The following ARHGAP24 variants were observed in gnomAD, a reference collection of about 807,000 sequenced individuals.
ARHGAP24 encodes rho GTPase-activating protein 24.
A neutral mutation model predicts 76.4 loss-of-function variants in ARHGAP24; 50 were observed. The observed-to-expected ratio is 0.65, with a 90% CI of 0.52 to 0.83. The LOEUF (loss-of-function observed/expected upper bound fraction) is 0.83, where lower values mean the gene tolerates loss of function less well. ARHGAP24 is among the 40% of genes least tolerant of loss of function. The pLI, the probability that ARHGAP24 is intolerant of heterozygous loss-of-function variation, is 0.00. For missense variants in ARHGAP24, 930 were observed against 914.2 expected (o/e 1.02, Z -0.22); for synonymous variants, 345 against 323.3 (o/e 1.07, Z -0.72).
intron 2 of ARHGAP24, among the ~76,000 whole-genome samples, chr4:85,595,825 G>A (rs1351550): frequency 1 from 152,183 of 152,184 alleles, 76,091 homozygotes; most frequent in Non-Finnish European, 1. Flanking sequence ...TGCTAGGTAT[G>A]GTTATCACCA....
chr4:85,509,869 T>G (rs1244545100), intron 1 of ARHGAP24, among the ~76,000 whole-genome samples: 1 of 152,172 alleles, frequency 6.6e-6, no homozygotes, highest in Non-Finnish European at 1.5e-5. Flanking sequence ...AAAATGCCCC[T>G]TTTGTATTAT....
intron 2 of ARHGAP24, among the ~76,000 whole-genome samples, chr4:85,599,121 C>A (rs1251288540): frequency 6.6e-6 from 1 of 152,114 alleles, no homozygotes; most frequent in East Asian, 1.9e-4. Flanking sequence ...TTGAACAACA[C>A]AAGTCTAAAT....
chr4:85,627,624 G>A (rs552504498), intron 2 of ARHGAP24, among the ~76,000 whole-genome samples: 2 of 152,196 alleles, frequency 1.3e-5, no homozygotes, highest in African/African-American at 2.4e-5. Flanking sequence ...ATTTAAGTCT[G>A]CAGAGGTTAC....
rs144171066 is a variant in ARHGAP24, at chr4:85,700,620, T to G, written c.181-21265T>G. Among the ~76,000 whole-genome samples, 58 of 152,178 alleles carry G rather than the reference T, an allele frequency of 3.8e-4. 1 individual carries two copies. In the East Asian group the frequency reaches 9.9e-3, roughly 26 times the overall value. On this transcript the variant is annotated intron_variant, in intron 2 of 9. Transcript: ENST00000395184. The stretch of plus-strand genomic sequence containing the variant: ...GTTGGGGAGGTGGTGGTTAAAGAGC[T>G]TAGTTCTGTTTGTGGTCACTTAATG...
chr4:85,833,883 A>G (rs531725144), intron 3 of ARHGAP24, among the ~76,000 whole-genome samples: 1 of 152,350 alleles, frequency 6.6e-6, no homozygotes, highest in South Asian at 2.1e-4. Context: ...GAAATATTTT[A>G]CATTAGTTAA....
intron 1 of ARHGAP24, among the ~76,000 whole-genome samples, chr4:85,480,269 G>T (rs1222398866): frequency 2.0e-5 from 3 of 151,942 alleles, no homozygotes; most frequent in Non-Finnish European, 4.4e-5. Context: ...ATTCCTTTTT[G>T]CCTAGACTGC....
intron 3 of ARHGAP24, among the ~76,000 whole-genome samples, chr4:85,922,423 A>G (rs1186836954): frequency 1.3e-5 from 2 of 152,236 alleles, no homozygotes; most frequent in Non-Finnish European, 2.9e-5. Flanking sequence ...TCCTTATAAA[A>G]GTATTTAGAT....
chr4:85,980,243 G>A (rs921129101), intron 8 of ARHGAP24, among the ~76,000 whole-genome samples: 1 of 152,132 alleles, frequency 6.6e-6, no homozygotes, highest in African/African-American at 2.4e-5. Context: ...CACTACATGT[G>A]TACATATTAC....
At chr4:85,657,790 T>C (rs1722228709) in intron 2 of ARHGAP24, among the ~76,000 whole-genome samples, 1 of 152,380 alleles carries the variant, frequency 6.6e-6, no homozygotes, top group African/African-American at 2.4e-5. Context: ...GGTCTCATTC[T>C]GTCAGCCAGG....
At chr4:86,000,007 C>T (rs1740911692) in intron 9 of ARHGAP24, 1 of 167,212 alleles carries the variant, frequency 6.0e-6, no homozygotes, top group Non-Finnish European at 1.3e-5. Flanking sequence ...CCATTCTTAG[C>T]AGTGAACTTA....
At chr4:85,853,762 T>C (rs772657181) in intron 3 of ARHGAP24, among the ~76,000 whole-genome samples, 3 of 152,122 alleles carry the variant, frequency 2.0e-5, no homozygotes, top group Non-Finnish European at 4.4e-5. Flanking sequence ...AAGACCATCC[T>C]GGCCAACATG....
At position 85,875,565 on chromosome 4, in the gene ARHGAP24, A is replaced by ATTT. The variant is rs1732866880; in HGVS notation, c.269-48081_269-48080insTTT. 4.5e-5 allele frequency among the ~76,000 whole-genome samples: 3 copies of ATTT among 66,982 alleles called. No individual in the cohort carries two copies. In the South Asian group the frequency reaches 1.9e-3, roughly 43 times the overall value. 43.9% of individuals were successfully genotyped at this position (66,982 alleles called of 152,430 possible). A position where few individuals can be genotyped will look rare whatever the true frequency, so the allele number is the denominator to read the frequency against. On this transcript the variant is annotated intron_variant, in intron 3 of 9. Coordinates refer to ENST00000395184, the MANE Select transcript of ARHGAP24 (RefSeq NM_001025616.3). The stretch of plus-strand genomic sequence containing the variant: ...TTTATATTTTATATTATATTTTTAT[A>ATTT]TTATATAATATATAATATATATTTT...
At chr4:85,496,651 A>G (rs1004601044) in intron 1 of ARHGAP24, among the ~76,000 whole-genome samples, 1 of 152,206 alleles carries the variant, frequency 6.6e-6, no homozygotes, top group Non-Finnish European at 1.5e-5. Flanking sequence ...GTGAAGATTA[A>G]CATGTAGCAA....
intron 3 of ARHGAP24, among the ~76,000 whole-genome samples, chr4:85,918,834 G>A (rs1735561286): frequency 6.6e-6 from 1 of 152,114 alleles, no homozygotes; most frequent in Admixed American, 6.6e-5. Flanking sequence ...ATCATAAATG[G>A]TTGATGTGTC....
intron 3 of ARHGAP24, among the ~76,000 whole-genome samples, chr4:85,881,153 A>G (rs1027287095): frequency 7.2e-5 from 11 of 152,236 alleles, no homozygotes; most frequent in Non-Finnish European, 1.5e-4. Context: ...AGTGACAGAC[A>G]GGCAGGTAGT....
At chr4:85,869,702 T>C (rs1427677831) in intron 3 of ARHGAP24, among the ~76,000 whole-genome samples, 1 of 152,164 alleles carries the variant, frequency 6.6e-6, no homozygotes, top group Non-Finnish European at 1.5e-5. Flanking sequence ...TTTTCTTTTA[T>C]AGATTAACAA....
intron 3 of ARHGAP24, among the ~76,000 whole-genome samples, chr4:85,892,238 G>T (rs1733917176): frequency 1.8e-5 from 1 of 55,564 alleles, no homozygotes; most frequent in Admixed American, 1.7e-4. Flanking sequence ...GTGTCTATTT[G>T]ATTCTTCTCT....
chr4:85,975,293 G>A (rs1257899705), intron 7 of ARHGAP24, among the ~76,000 whole-genome samples: 2 of 152,162 alleles, frequency 1.3e-5, no homozygotes, highest in South Asian at 2.1e-4. Flanking sequence ...CTGCATGGGA[G>A]CCAAGATTGT....
intron 3 of ARHGAP24, among the ~76,000 whole-genome samples, chr4:85,788,271 G>T (rs1026839779): frequency 6.6e-6 from 1 of 152,158 alleles, no homozygotes; most frequent in African/African-American, 2.4e-5. Context: ...TTAAGTTTCA[G>T]CCACCTGGCA....
Sources: allele counts gnomAD v4.1 joint callset (sites outside exome capture counted in the v4.1 genomes callset), GRCh38; gene constraint gnomAD v4.1.1; transcripts MANE v1.5; gene names NCBI Gene and HGNC (gene_info 2026-07-23, HGNC 2026-07-21).